The following PBX3 variants were observed in gnomAD, a reference collection of about 807,000 sequenced individuals.
PBX3 encodes the protein PBX homeobox 3.
PBX3 carries 14 observed loss-of-function variants against 48.5 expected under a neutral mutation model. The observed-to-expected ratio is 0.29, with a 90% CI of 0.19 to 0.45. The LOEUF (loss-of-function observed/expected upper bound fraction) is 0.45. Among genes scored for constraint, PBX3 ranks in the 20% least tolerant of loss-of-function variants. The pLI, the probability that PBX3 is intolerant of heterozygous loss-of-function variation, is 1.00. For missense variants in PBX3, 386 were observed against 546.7 expected (o/e 0.71, Z 2.93); for synonymous variants, 210 against 200.3 (o/e 1.05, Z -0.41).
chr9:125,885,433 C>T (rs533896752), intron 2 of PBX3, among the ~76,000 whole-genome samples: 5 of 152,094 alleles, frequency 3.3e-5, no homozygotes, highest in African/African-American at 4.8e-5. Context: ...AGATTATTCC[C>T]GTCTGTACTT....
chr9:125,826,236 A>C (rs1377469520), intron 2 of PBX3, among the ~76,000 whole-genome samples: 1 of 152,180 alleles, frequency 6.6e-6, no homozygotes, highest in South Asian at 2.1e-4. Flanking sequence ...ATTATTTTAC[A>C]TATAGGATTC....
intron 2 of PBX3, among the ~76,000 whole-genome samples, chr9:125,914,684 C>T (rs763998308): frequency 3.9e-5 from 6 of 152,204 alleles, no homozygotes; most frequent in Non-Finnish European, 8.8e-5. Context: ...AGCCTTGTAA[C>T]TAGTGTAGGG....
chr9:125,781,598 G>A (rs1044355301), intron 2 of PBX3, among the ~76,000 whole-genome samples: 1 of 145,744 alleles, frequency 6.9e-6, no homozygotes, highest in African/African-American at 2.4e-5. Context: ...AGAGGCGAGA[G>A]GGAGAGGCAG....
chr9:125,808,624 C>T (rs924363151), intron 2 of PBX3, among the ~76,000 whole-genome samples: 1 of 152,130 alleles, frequency 6.6e-6, no homozygotes, highest in East Asian at 1.9e-4. Context: ...TATGATCATG[C>T]TACTGCACTC....
At position 125,943,352 on chromosome 9, in the gene PBX3, C is replaced by CAAAAAAAAAAA. The variant is rs60326557; in HGVS notation, c.843+7782_843+7792dup. 8.2e-4 allele frequency among the ~76,000 whole-genome samples: 50 copies of CAAAAAAAAAAA among 60,880 alleles called. 3 individuals carry two copies. Among genetic ancestry groups the CAAAAAAAAAAA allele is most frequent in the East Asian group, 1.5e-3 (3 of 2,012 alleles). 39.9% of individuals were successfully genotyped at this position (60,880 alleles called of 152,430 possible). ...CTTGGGCTGCAGAGTGAGACTGTCT[C>CAAAAAAAAAAA]AAAAAAAAAAAAAAAAAAAAAAAAA... On this transcript the variant is annotated intron_variant, in intron 5 of 8. Transcript: ENST00000373489.
At position 125,763,400 on chromosome 9, in the gene PBX3, T is replaced by C. The variant is rs138498269; in HGVS notation, c.274+14777T>C. 2.0e-4 allele frequency among the ~76,000 whole-genome samples: 30 copies of C among 152,342 alleles called. 1 individual carries two copies. The highest frequency in any genetic ancestry group is 3.4e-3 in the Middle Eastern group (1 of 294). ...ACCGATTACATGTAAACAGCCTGAA[T>C]CATTCAAAGGGATGTGGAGAAGAGT... On this transcript the variant is annotated intron_variant, in intron 2 of 8. Coordinates refer to ENST00000373489, the MANE Select transcript of PBX3 (RefSeq NM_006195.6).
At chr9:125,778,474 G>A (rs1837138996) in intron 2 of PBX3, among the ~76,000 whole-genome samples, 1 of 151,228 alleles carries the variant, frequency 6.6e-6, no homozygotes, top group Non-Finnish European at 1.5e-5. Context: ...GACCAGACTG[G>A]TCTTGAACTC....
At chr9:125,833,450 C>T (rs1267773434) in intron 2 of PBX3, among the ~76,000 whole-genome samples, 2 of 151,704 alleles carry the variant, frequency 1.3e-5, no homozygotes, top group African/African-American at 4.9e-5. Flanking sequence ...CACCATGCCA[C>T]TGCACTCCAG....
Position 125,915,816 on chromosome 9 carries a change from C to A in PBX3, c.405C>A (p.Ala135=), listed in dbSNP as rs1369399289. Reference sequence around the variant, plus strand: ...GGGGATCGGCGGCAGCAGCTGCAGCCGCGGCAGCCTCTGGAGGTTCTTCAG... The same window carrying A: ...GGGGATCGGCGGCAGCAGCTGCAGCAGCGGCAGCCTCTGGAGGTTCTTCAG... ...KGGGSAAAAA[A]AAASGGSSDN... is the part of the protein sequence containing the mutation. The change falls in exon 3 of 9, where the codon GCC becomes GCA. Residue 135 remains alanine, a synonymous_variant. Transcript: ENST00000373489. 6.2e-7 allele frequency: 1 copy of A among 1,613,732 alleles called. No individual in the cohort carries two copies. The highest frequency in any genetic ancestry group is 1.3e-5 in the African/African-American group (1 of 74,858).
At chr9:125,919,830 A>G (rs1841419034) in intron 3 of PBX3, among the ~76,000 whole-genome samples, 1 of 152,234 alleles carries the variant, frequency 6.6e-6, no homozygotes, top group Non-Finnish European at 1.5e-5. Context: ...TTACAAAGCT[A>G]AGCAGACAGA....
Position 125,909,600 on chromosome 9 carries a change from G to A in PBX3, c.275-6086G>A, listed in dbSNP as rs140960501. Among the ~76,000 whole-genome samples, 279 of 152,230 alleles carry A rather than the reference G, an allele frequency of 1.8e-3. 2 individuals carry two copies. The highest frequency in any genetic ancestry group is 6.2e-3 in the African/African-American group (258 of 41,554). On this transcript the variant is annotated intron_variant, in intron 2 of 8. Coordinates refer to ENST00000373489, the MANE Select transcript of PBX3 (RefSeq NM_006195.6). ...TTGCTGGGGTTGGCAGTGTAGCAGG[G>A]AGAAGAAGTGATCCATAAGTGTTCT...
At chr9:125,832,847 G>C (rs1210767653) in intron 2 of PBX3, among the ~76,000 whole-genome samples, 2 of 152,120 alleles carry the variant, frequency 1.3e-5, no homozygotes, top group Admixed American at 1.3e-4. Flanking sequence ...CTGCTGTTGG[G>C]TGTTTTTGGC....
chr9:125,782,862 A>T lies in PBX3; in HGVS notation c.274+34239A>T, dbSNP rs532103190. On this transcript the variant is annotated intron_variant, in intron 2 of 8. Coordinates refer to ENST00000373489, the MANE Select transcript of PBX3 (RefSeq NM_006195.6). Reference sequence around the variant, plus strand: ...TAGGCAGGTTTTTTTTTCTTTCAGCACTTTAAATATGTTGTCCCATTGCTT... The same window carrying T: ...TAGGCAGGTTTTTTTTTCTTTCAGCTCTTTAAATATGTTGTCCCATTGCTT... Among the ~76,000 whole-genome samples, 7 of 152,066 alleles carry T rather than the reference A, an allele frequency of 4.6e-5. No individual in the cohort carries two copies. The South Asian group carries it at 1.5e-3, about 32-fold the overall frequency.
At chr9:125,854,609 G>A (rs546806455) in intron 2 of PBX3, among the ~76,000 whole-genome samples, 8 of 152,098 alleles carry the variant, frequency 5.3e-5, no homozygotes, top group Admixed American at 2.0e-4. Flanking sequence ...GTGAATGAAT[G>A]TGTTTCATTC....
At chr9:125,943,629 A>G (rs889103901) in intron 5 of PBX3, among the ~76,000 whole-genome samples, 1 of 152,140 alleles carries the variant, frequency 6.6e-6, no homozygotes, top group Non-Finnish European at 1.5e-5. Flanking sequence ...TTTGAGGCTA[A>G]TAGGCCAATA....
chr9:125,965,981 G>T lies in PBX3; in HGVS notation c.*58G>T. 1 of 1,296,192 alleles carries T rather than the reference G, an allele frequency of 7.7e-7. No homozygotes were observed. The allele number at this position is 1,296,192 out of a possible 1,614,324, so 80.3% of individuals were successfully genotyped here. A position where few individuals can be genotyped will look rare whatever the true frequency, so the allele number is the denominator to read the frequency against. ...CTTGATAAGTGCATTCAGAGCAATA[G>T]GAGGAAAAGGAAAGCGTTTTTGTAG... On this transcript the variant is annotated 3_prime_UTR_variant, in exon 9 of 9. Coordinates refer to ENST00000373489, the MANE Select transcript of PBX3 (RefSeq NM_006195.6).
At chr9:125,963,625 A>G (rs1403200114) in intron 8 of PBX3, among the ~76,000 whole-genome samples, 2 of 152,040 alleles carry the variant, frequency 1.3e-5, no homozygotes, top group Non-Finnish European at 2.9e-5. Context: ...CTACAACTTT[A>G]CCTTTCCCTC....
chr9:125,870,104 C>CGA (rs1840083039), intron 2 of PBX3, among the ~76,000 whole-genome samples: 1 of 151,372 alleles, frequency 6.6e-6, no homozygotes, highest in East Asian at 1.9e-4. Context: ...GACAGTAGCA[C>CGA]TATCTCAGCT....
At chr9:125,820,480 T>A (rs1448966732) in intron 2 of PBX3, among the ~76,000 whole-genome samples, 1 of 152,208 alleles carries the variant, frequency 6.6e-6, no homozygotes, top group East Asian at 1.9e-4. Flanking sequence ...AAAAGTATAG[T>A]GGGACTTACT....
Sources: allele counts gnomAD v4.1 joint callset (sites outside exome capture counted in the v4.1 genomes callset), GRCh38; gene constraint gnomAD v4.1.1; transcripts MANE v1.5; gene names NCBI Gene and HGNC (gene_info 2026-07-23, HGNC 2026-07-21).